Variants in DUXB observed in about 807,000 individuals in gnomAD.
The protein encoded by DUXB is double homeobox protein B.
DUXB carries 22 observed loss-of-function variants against 8.9 expected under a neutral mutation model. The ratio of observed to expected loss-of-function variants is 2.46; its 90% CI spans 1.76 to 3.52. The LOEUF is 3.52. DUXB is among the 30% of genes most tolerant of loss of function. The probability of loss-of-function intolerance (pLI) is 0.00; values close to 1 mark genes in which losing one functional copy is unlikely to be tolerated. For synonymous variants in DUXB, 84 were observed against 37.6 expected (o/e 2.23, Z -4.52); for missense variants, 237 against 108.7 (o/e 2.18, Z -5.25).
chr16:75,700,314 G>C (rs969698475), intron 1 of DUXB, 145 bp from the exon 2 acceptor site: 18 of 508,936 alleles, frequency 3.5e-5, no homozygotes, highest in Non-Finnish European at 5.2e-5. Flanking sequence ...GGGTCAATGC[G>C]ACCTCCGCTC....
In DUXB at chr16:75,695,978, G is replaced by A; in HGVS notation, c.424C>T (p.Gln142Ter). 1 of 702,966 alleles carries A rather than the reference G, an allele frequency of 1.4e-6. No homozygotes were observed. Among genetic ancestry groups the A allele is most frequent in the Non-Finnish European group, 2.6e-6 (1 of 385,008 alleles). 43.5% of individuals were successfully genotyped at this position (702,966 alleles called of 1,614,324 possible). Residue 142 changes from glutamine (Q) to a stop codon, truncating the protein, a stop_gained, in exon 4 of 5, where the codon CAG becomes TAG. Transcript: ENST00000633875. LOFTEE classifies it low-confidence loss of function (END_TRUNC). ...GAACTTACTTGAATTCTTGATTCCT[G>A]CAGGCCTGTTTGTTCAGCCAGTTTT... is the stretch of plus-strand genomic sequence containing the variant. Reference protein sequence around the residue: ...RKKLAEQTGLQESRIQMWFQK... With the variant: ...RKKLAEQTGL
intron 2 of DUXB, 135 bp from the exon 3 acceptor site, chr16:75,697,078 A>T: frequency 1.7e-6 from 1 of 605,374 alleles, no homozygotes; most frequent in Non-Finnish European, 2.9e-6. Context: ...GCAATCCATT[A>T]TCCTAGGAAT....
intron 1 of DUXB, 80 bp downstream of exon 1, chr16:75,701,314 A>G (rs1438195219): frequency 5.0e-6 from 2 of 398,354 alleles, no homozygotes; most frequent in African/African-American, 2.1e-5. Flanking sequence ...TGTTTGTGCT[A>G]TAAACTTTGA....
intron 2 of DUXB, among the ~76,000 whole-genome samples, chr16:75,699,396 T>A (rs1049664996): frequency 6.6e-6 from 1 of 152,206 alleles, no homozygotes. Context: ...ATTATCATGG[T>A]GATTTCATTT....
At chr16:75,699,149 G>A (rs1403942437) in intron 2 of DUXB, among the ~76,000 whole-genome samples, 1 of 152,086 alleles carries the variant, frequency 6.6e-6, no homozygotes, top group East Asian at 1.9e-4. Flanking sequence ...CCCAGTCCAG[G>A]TATCTTTCTG....
intron 4 of DUXB, 76 bp downstream of exon 4, chr16:75,695,885 G>C: frequency 1.5e-6 from 1 of 677,718 alleles, no homozygotes; most frequent in Non-Finnish European, 2.7e-6. Context: ...CAAGTCAGCT[G>C]TAAGTTTTTC....
At position 75,694,098 on chromosome 16, in the gene DUXB, G is replaced by C. The variant is rs1421501460; in HGVS notation, c.869C>G (p.Ser290Cys). The change falls in exon 5 of 5, where the codon TCT (serine) becomes TGT (cysteine). Residue 290 changes from serine to cysteine, a missense_variant. Ser to Cys is a moderately radical substitution (Grantham distance 112, BLOSUM62 -1). Transcript: ENST00000633875. ...QEEHQNHKEH[S>C]GSGVPQVKSH... ...CTTGACCTGTGGTACTCCCGAGCCA[G>C]AGTGTTCTTTGTGATTTTGGTGTTC... 4 of 422,706 alleles carry C rather than the reference G, an allele frequency of 9.5e-6. No homozygotes were observed. The highest frequency in any genetic ancestry group is 4.1e-5 in the African/African-American group (2 of 49,056). The allele number at this position is 422,706 out of a possible 1,614,324, so 26.2% of individuals were successfully genotyped here.
intron 4 of DUXB, among the ~76,000 whole-genome samples, chr16:75,695,662 G>A (rs2082600056): frequency 6.6e-6 from 1 of 152,116 alleles, no homozygotes; most frequent in Non-Finnish European, 1.5e-5. Flanking sequence ...TGCACAGGGT[G>A]GCCCCTCACA....
At chr16:75,697,760 C>T (rs890602941) in intron 2 of DUXB, among the ~76,000 whole-genome samples, 3 of 152,212 alleles carry the variant, frequency 2.0e-5, no homozygotes, top group Non-Finnish European at 4.4e-5. Context: ...GGCTGCACAG[C>T]AGGAGGTGAG....
At chr16:75,701,264 G>T (rs1597213016) in intron 1 of DUXB, 130 bp downstream of exon 1, 1 of 396,996 alleles carries the variant, frequency 2.5e-6, no homozygotes, top group African/African-American at 2.1e-5. Flanking sequence ...ATTTATCAGC[G>T]AAAAACAGCT....
At chr16:75,697,664 A>G (rs1191252673) in intron 2 of DUXB, among the ~76,000 whole-genome samples, 1 of 152,204 alleles carries the variant, frequency 6.6e-6, no homozygotes, top group Non-Finnish European at 1.5e-5. Flanking sequence ...AATATCCAAT[A>G]AACCACTCTT....
intron 2 of DUXB, among the ~76,000 whole-genome samples, chr16:75,697,290 C>G (rs1597210491): frequency 6.6e-6 from 1 of 152,186 alleles, no homozygotes; most frequent in Non-Finnish European, 1.5e-5. Flanking sequence ...AATATCTTTT[C>G]TTGATCCTCA....
In DUXB at chr16:75,694,536, A is replaced by G. The variant is rs766313934; in HGVS notation, c.442-11T>C. On this transcript the variant is annotated splice_polypyrimidine_tract_variant and intron_variant, in intron 4 of 4. Transcript: ENST00000633875. ...TTTCTGAAACCACATCTAAATGAGA[A>G]AAAGGGCAACATGACATCATAAGAC... 9 of 702,870 alleles carry G rather than the reference A, an allele frequency of 1.3e-5. No homozygotes were observed. The highest frequency in any genetic ancestry group is 1.2e-4 in the South Asian group (8 of 67,594). The allele number at this position is 702,870 out of a possible 1,614,324, so 43.5% of individuals were successfully genotyped here.
At chr16:75,699,820 C>G (rs1959200828) in intron 2 of DUXB, among the ~76,000 whole-genome samples, 195 bp downstream of exon 2, 1 of 152,192 alleles carries the variant, frequency 6.6e-6, no homozygotes. Flanking sequence ...CTTGGCCTCC[C>G]AAAGTGCTGG....
intron 2 of DUXB, among the ~76,000 whole-genome samples, chr16:75,697,675 A>C (rs1217594191): frequency 6.6e-6 from 1 of 152,192 alleles, no homozygotes; most frequent in Non-Finnish European, 1.5e-5. Flanking sequence ...AACCACTCTT[A>C]TATCATAGGC....
rs1036815399 is a variant in DUXB at position 75,693,899 on chromosome 16, G to T, written c.*30C>A. The T allele has an allele frequency of 2.8e-5, 11 of 398,990 alleles. No individual in the cohort carries two copies. In the East Asian group the frequency reaches 3.9e-4, roughly 14 times the overall value. 24.7% of individuals were successfully genotyped at this position (398,990 alleles called of 1,614,324 possible). ...CAAGTGGATGACATGTTTCTCAGCT[G>T]AGTGTGCCTACTGCTGCCACAAGTC... On this transcript the variant is annotated 3_prime_UTR_variant, in exon 5 of 5. Coordinates refer to ENST00000633875, the MANE Select transcript of DUXB (RefSeq NM_001351307.2).
intron 2 of DUXB, among the ~76,000 whole-genome samples, chr16:75,699,563 C>CTTTTTT (rs1317094267): frequency 7.0e-6 from 1 of 143,024 alleles, no homozygotes; most frequent in African/African-American, 2.5e-5. Flanking sequence ...CTTTTCTTTT[C>CTTTTTT]TTTTTTTTTT....
chr16:75,697,019 C>G, intron 2 of DUXB, 76 bp from the exon 3 acceptor site: 1 of 660,704 alleles, frequency 1.5e-6, no homozygotes, highest in Non-Finnish European at 2.7e-6. Context: ...TTCAATTGAA[C>G]AAAACTGATT....
At chr16:75,699,298 G>A (rs979688434) in intron 2 of DUXB, among the ~76,000 whole-genome samples, 10 of 152,014 alleles carry the variant, frequency 6.6e-5, no homozygotes, top group African/African-American at 1.2e-4. Context: ...CTGAGACTTC[G>A]GAATGCACAT....
Sources: allele counts gnomAD v4.1 joint callset (sites outside exome capture counted in the v4.1 genomes callset), GRCh38; gene constraint gnomAD v4.1.1; transcripts MANE v1.5; gene names NCBI Gene and HGNC (gene_info 2026-07-23, HGNC 2026-07-21).